IL15: variants seen among roughly 807,000 people sequenced by gnomAD.
IL15 encodes the protein interleukin 15.
In IL15, 11 loss-of-function variants were observed where a neutral mutation model predicts 19.6. The observed-to-expected ratio is 0.56, with a 90% CI of 0.35 to 0.93. The LOEUF is 0.93. Ranked by LOEUF, IL15 falls within the 40% of genes least tolerant of loss-of-function variation. The probability of loss-of-function intolerance (pLI) is 0.01; values close to 1 mark genes in which losing one functional copy is unlikely to be tolerated. For missense variants in IL15, 197 were observed against 186.5 expected (o/e 1.06, Z -0.33); for synonymous variants, 58 against 59.6 (o/e 0.97, Z 0.12).
chr4:141,677,024 A>G (rs933520825), intron 2 of IL15, among the ~76,000 whole-genome samples: 1 of 152,232 alleles, frequency 6.6e-6, no homozygotes, highest in Non-Finnish European at 1.5e-5. Context: ...CTTTCATGTC[A>G]TGGACCCTTC....
intron 2 of IL15, among the ~76,000 whole-genome samples, chr4:141,678,729 G>A (rs1201952086): frequency 6.6e-6 from 1 of 151,674 alleles, no homozygotes; most frequent in African/African-American, 2.4e-5. Context: ...AGCCTCCCGA[G>A]TAGCTGGGAC....
chr4:141,726,093 T>A (rs138423837), intron 5 of IL15, among the ~76,000 whole-genome samples: 208 of 152,224 alleles, frequency 1.4e-3, no homozygotes, highest in African/African-American at 4.5e-3. Flanking sequence ...GCCATTGTGA[T>A]CCAATTACCT....
At chr4:141,670,970 G>T (rs931359597) in intron 2 of IL15, among the ~76,000 whole-genome samples, 12 of 152,130 alleles carry the variant, frequency 7.9e-5, no homozygotes, top group African/African-American at 2.9e-4. Context: ...TTGCACAATG[G>T]GGTGAGTTGT....
chr4:141,665,750 G>A lies in IL15; in HGVS notation c.-100+9443G>A, dbSNP rs113253469. Reference sequence around the variant, plus strand: ...ACTATGGTATAATTTTGTTGCTAACGTGGATTAGGTAATTTCCCCTACATA... The same window carrying A: ...ACTATGGTATAATTTTGTTGCTAACATGGATTAGGTAATTTCCCCTACATA... On this transcript the variant is annotated intron_variant, in intron 2 of 7. Transcript: ENST00000320650. 1.2e-3 allele frequency among the ~76,000 whole-genome samples: 181 copies of A among 152,022 alleles called. 1 individual carries two copies. The highest frequency in any genetic ancestry group is 4.1e-3 in the African/African-American group (172 of 41,490).
intron 1 of IL15, among the ~76,000 whole-genome samples, chr4:141,646,994 A>G (rs1727247476): frequency 6.6e-6 from 1 of 152,130 alleles, no homozygotes; most frequent in South Asian, 2.1e-4. Flanking sequence ...GAATGAATGG[A>G]TTAATGAATG....
intron 1 of IL15, chr4:141,637,283 A>C (rs1726892399): frequency 6.6e-6 from 1 of 152,274 alleles, no homozygotes; most frequent in South Asian, 2.1e-4. Flanking sequence ...GGGCCGGTGC[A>C]GATGTCTGTG....
At chr4:141,671,791 C>T (rs1017614393) in intron 2 of IL15, among the ~76,000 whole-genome samples, 11 of 152,104 alleles carry the variant, frequency 7.2e-5, no homozygotes, top group South Asian at 2.1e-4. Flanking sequence ...GGACATAAAT[C>T]GTAGCTAGGA....
intron 4 of IL15, chr4:141,720,921 G>A: frequency 1.8e-6 from 1 of 555,060 alleles, no homozygotes; most frequent in Non-Finnish European, 3.1e-6. Flanking sequence ...ATCTGTCCCT[G>A]ACACTGACTC....
intron 2 of IL15, among the ~76,000 whole-genome samples, chr4:141,673,933 C>A (rs1176509694): frequency 6.6e-6 from 1 of 152,148 alleles, no homozygotes; most frequent in African/African-American, 2.4e-5. Context: ...TTTGGACCAG[C>A]TAAACAATGT....
chr4:141,686,159 G>A (rs931880903), intron 2 of IL15, among the ~76,000 whole-genome samples: 3 of 152,046 alleles, frequency 2.0e-5, no homozygotes, highest in Non-Finnish European at 4.4e-5. Context: ...GCCAGGCATG[G>A]TGGTGGTCAC....
chr4:141,689,229 G>C (rs957033603), intron 2 of IL15, among the ~76,000 whole-genome samples: 4 of 152,298 alleles, frequency 2.6e-5, no homozygotes, highest in African/African-American at 7.2e-5. Context: ...AGCTTCCACA[G>C]TGTGGAAGGG....
chr4:141,732,341 T>C (rs1193714153), intron 7 of IL15, among the ~76,000 whole-genome samples: 1 of 152,168 alleles, frequency 6.6e-6, no homozygotes. Flanking sequence ...GCTCACTCAG[T>C]GTTTCTAGGG....
intron 5 of IL15, among the ~76,000 whole-genome samples, chr4:141,726,887 C>T (rs1267360158): frequency 1.3e-5 from 2 of 152,006 alleles, no homozygotes; most frequent in African/African-American, 2.4e-5. Context: ...AAGAAATAAG[C>T]TATCAAGCCA....
At chr4:141,689,941 G>A (rs1728852191) in intron 2 of IL15, among the ~76,000 whole-genome samples, 1 of 152,204 alleles carries the variant, frequency 6.6e-6, no homozygotes, top group African/African-American at 2.4e-5. Context: ...GGGCCTCACA[G>A]GAGCCCATGG....
intron 5 of IL15, among the ~76,000 whole-genome samples, chr4:141,723,451 AGAGATTGCC>A (rs1184696843): frequency 6.6e-6 from 1 of 152,200 alleles, no homozygotes; most frequent in African/African-American, 2.4e-5. Flanking sequence ...AAGGAAGGCC[AGAGATTGCC>A]AGGATCCACC....
intron 2 of IL15, among the ~76,000 whole-genome samples, chr4:141,695,686 A>G (rs1729068796): frequency 6.6e-6 from 1 of 152,074 alleles, no homozygotes; most frequent in African/African-American, 2.4e-5. Flanking sequence ...CTAGTTAACA[A>G]TCTAACCAAC....
intron 2 of IL15, among the ~76,000 whole-genome samples, chr4:141,666,186 C>T (rs1196276808): frequency 2.0e-5 from 3 of 151,844 alleles, no homozygotes; most frequent in South Asian, 2.1e-4. Context: ...CTGCAAGCTC[C>T]GCCTCCCGGG....
At chr4:141,661,319 A>C (rs960177242) in intron 2 of IL15, among the ~76,000 whole-genome samples, 2 of 152,204 alleles carry the variant, frequency 1.3e-5, no homozygotes, top group African/African-American at 4.8e-5. Context: ...GCTAAACTCA[A>C]ATAGGGAGTC....
At chr4:141,701,762 C>T (rs1729327887) in intron 2 of IL15, among the ~76,000 whole-genome samples, 1 of 152,114 alleles carries the variant, frequency 6.6e-6, no homozygotes, top group African/African-American at 2.4e-5. Flanking sequence ...AGGGTGTGAG[C>T]TACCTCAGTT....
Sources: gnomAD v4.1 joint callset for allele counts (sites outside exome capture counted in the v4.1 genomes callset) on GRCh38, gnomAD v4.1.1 for gene constraint, MANE v1.5 for transcripts, NCBI Gene and HGNC (gene_info 2026-07-23, HGNC 2026-07-21) for gene names.